Variants in PRSS36 observed in about 807,000 individuals in gnomAD.
PRSS36 encodes polyserase-2.
In PRSS36, 90 loss-of-function variants were observed where a neutral mutation model predicts 94.3. The ratio of observed to expected loss-of-function variants is 0.95; its 90% confidence interval spans 0.80 to 1.14. PRSS36 has a LOEUF of 1.14. Among genes scored for constraint, PRSS36 ranks in the 50% most tolerant of loss-of-function variants. The pLI is 0.00. For missense variants in PRSS36, 1,158 were observed against 1,135.0 expected, an observed-to-expected ratio of 1.02 and a Z score of -0.29; for synonymous variants, 500 against 489.6, an observed-to-expected ratio of 1.02 and a Z score of -0.28.
At position 31,140,739 on chromosome 16, in the gene PRSS36, C is replaced by T; in HGVS notation, c.1920G>A (p.Val640=). The change falls in exon 13 of 15, where the codon GTG becomes GTA. Residue 640 remains valine, a synonymous_variant. Transcript: ENST00000268281. Reference sequence around the variant, plus strand: ...GGCCCAGATACACTTCAATGTAAGGCACTGTTGTAGAGCCTGGCCTGTTGG... The same window carrying T: ...GGCCCAGATACACTTCAATGTAAGGTACTGTTGTAGAGCCTGGCCTGTTGG... ...HCVLRPGSTT[V]PYIEVYLGRA... The T allele has an allele frequency of 6.2e-7, 1 of 1,614,040 alleles. No homozygotes were observed. The highest frequency in any genetic ancestry group is 2.2e-5 in the East Asian group (1 of 44,876).
At chr16:31,146,854 G>A (rs922224237) in intron 5 of PRSS36, among the ~76,000 whole-genome samples, 1 of 152,148 alleles carries the variant, frequency 6.6e-6, no homozygotes, top group Non-Finnish European at 1.5e-5. Flanking sequence ...GGTGGTGGGT[G>A]CCTATAATCC....
Position 31,148,607 on chromosome 16 carries a change from A to G in PRSS36, c.341T>C (p.Leu114Pro), listed in dbSNP as rs1350006585. The G allele has an allele frequency of 6.2e-7, 1 of 1,611,904 alleles. No homozygotes were observed. Among genetic ancestry groups the G allele is most frequent in the Non-Finnish European group, 8.5e-7 (1 of 1,179,430 alleles). The change falls in exon 5 of 15, where the codon CTG (leucine) becomes CCG (proline). Residue 114 changes from leucine (L) to proline (P), a missense_variant. By Grantham distance (98) the Leu-to-Pro change is moderately conservative. Coordinates refer to ENST00000268281, the MANE Select transcript of PRSS36 (RefSeq NM_173502.5). ...CACTGCGCGGGTGTGCGCGCCGTCC[A>G]GGGGCCCGTCCTGGGAGTGCACGCC... ...LLGVHSQDGPLDGAHTRAVAA... is the reference protein window; with the variant it reads ...LLGVHSQDGPPDGAHTRAVAA...
At position 31,148,615 on chromosome 16, in the gene PRSS36, G is replaced by A. The variant is rs746041119; in HGVS notation, c.333C>T (p.Asp111=). Residue 111 remains aspartate, a synonymous_variant, in exon 5 of 15, where the codon GAC becomes GAT. Transcript: ENST00000268281. ...WSVLLGVHSQ[D]GPLDGAHTRA... ...GGGTGTGCGCGCCGTCCAGGGGCCCGTCCTGGGAGTGCACGCCCAGCAGTA... is the reference window on the plus strand; with the variant it reads ...GGGTGTGCGCGCCGTCCAGGGGCCCATCCTGGGAGTGCACGCCCAGCAGTA... 6.2e-7 allele frequency: 1 copy of A among 1,612,160 alleles called. No homozygotes were observed. Among genetic ancestry groups the A allele is most frequent in the East Asian group, 2.2e-5 (1 of 44,864 alleles).
rs2057722695 is a variant in PRSS36, at chr16:31,142,618, G to C, written c.1384C>G (p.Leu462Val). The C allele has an allele frequency of 6.7e-7, 1 of 1,503,398 alleles. No individual in the cohort carries two copies. The highest frequency in any genetic ancestry group is 8.8e-7 in the Non-Finnish European group (1 of 1,130,698). The allele number at this position is 1,503,398 out of a possible 1,614,324, so 93.1% of individuals were successfully genotyped here. The change falls in exon 10 of 15, where the codon CTG becomes GTG. Residue 462 changes from leucine to valine, a missense_variant. By Grantham distance (32) the Leu-to-Val change is conservative. Coordinates refer to ENST00000268281, the MANE Select transcript of PRSS36 (RefSeq NM_173502.5). Reference sequence around the variant, plus strand: ...CAGCCGCCTAACAGCTCCGCCTCCAGCAGCGCGCCTGGGCCAAGCGCGGGT... The same window carrying C: ...CAGCCGCCTAACAGCTCCGCCTCCACCAGCGCGCCTGGGCCAAGCGCGGGT... Reference protein sequence around the residue: ...GEPALGPGALLEAELLGGWWC... With the variant: ...GEPALGPGALVEAELLGGWWC...
At position 31,149,732 on chromosome 16, in the gene PRSS36, C is replaced by T; in HGVS notation, c.38-1G>A. On this transcript the variant is annotated splice_acceptor_variant, in intron 1 of 14. Coordinates refer to ENST00000268281, the MANE Select transcript of PRSS36 (RefSeq NM_173502.5). LOFTEE classifies it high-confidence loss of function. ...AAGGCTCCTGGGATGGGACTGATGA[C>T]TGGAAAGACAGAGGTAGGCAGGAAG... 2.5e-6 allele frequency: 4 copies of T among 1,614,196 alleles called. No individual in the cohort carries two copies. Among genetic ancestry groups the T allele is most frequent in the Non-Finnish European group, 3.4e-6 (4 of 1,180,038 alleles).
intron 1 of PRSS36, 123 bp from the exon 2 acceptor site, chr16:31,149,854 C>T: frequency 6.5e-7 from 1 of 1,532,240 alleles, no homozygotes; most frequent in Non-Finnish European, 9.0e-7. Context: ...CCCTCTCCCT[C>T]CTCTGATACA....
rs1488280202 is a variant in PRSS36 at position 31,140,725 on chromosome 16, A to T, written c.1934T>A (p.Val645Glu). Residue 645 changes from valine (V) to glutamate (E), a missense_variant, in exon 13 of 15, where the codon GTG becomes GAG. Coordinates refer to ENST00000268281, the MANE Select transcript of PRSS36 (RefSeq NM_173502.5). ...GCTGGCCCCTGCCCGGCCCAGATAC[A>T]CTTCAATGTAAGGCACTGTTGTAGA... is the stretch of plus-strand genomic sequence containing the variant. Reference protein sequence around the residue: ...PGSTTVPYIEVYLGRAGASSL... With the variant: ...PGSTTVPYIEEYLGRAGASSL... 1 of 1,613,952 alleles carries T rather than the reference A, an allele frequency of 6.2e-7. No homozygotes were observed. The highest frequency in any genetic ancestry group is 8.5e-7 in the Non-Finnish European group (1 of 1,179,944).
At chr16:31,142,059 G>T in intron 10 of PRSS36, 99 bp from the exon 11 acceptor site, 1 of 1,033,988 alleles carries the variant, frequency 9.7e-7, no homozygotes, top group Non-Finnish European at 1.5e-6. Flanking sequence ...CCCATTTGCG[G>T]AAGTATCAAG....
At position 31,139,006 on chromosome 16, in the gene PRSS36, C is replaced by G; in HGVS notation, c.*132G>C. On this transcript the variant is annotated 3_prime_UTR_variant, in exon 15 of 15. Coordinates refer to ENST00000268281, the MANE Select transcript of PRSS36 (RefSeq NM_173502.5). ...TCAAAATAGCCCGGGCACTGAGGCCCAATTAGCCAGAGCCGCTGCAATCTC... is the reference window on the plus strand; with the variant it reads ...TCAAAATAGCCCGGGCACTGAGGCCGAATTAGCCAGAGCCGCTGCAATCTC... The G allele has an allele frequency of 9.2e-7, 1 of 1,085,714 alleles. No individual in the cohort carries two copies. Among genetic ancestry groups the G allele is most frequent in the Non-Finnish European group, 1.3e-6 (1 of 759,708 alleles). The allele number at this position is 1,085,714 out of a possible 1,614,324, so 67.3% of individuals were successfully genotyped here.
Position 31,145,941 on chromosome 16 carries a change from G to A in PRSS36, c.568C>T (p.Pro190Ser). ...DVQEADPLPL[P>S]WVLQEVELRL... Reference sequence around the variant, plus strand: ...AGCTCCACTTCCTGTAGCACCCAGGGGAGAGGCAGAGGATCTGGAGGCAGA... The same window carrying A: ...AGCTCCACTTCCTGTAGCACCCAGGAGAGAGGCAGAGGATCTGGAGGCAGA... The change falls in exon 6 of 15, where the codon CCC (proline) becomes TCC (serine). Residue 190 changes from proline to serine, a missense_variant. By Grantham distance (74) the Pro-to-Ser change is moderately conservative (BLOSUM62 -1). Transcript: ENST00000268281. 6.2e-7 allele frequency: 1 copy of A among 1,612,632 alleles called. No homozygotes were observed. The highest frequency in any genetic ancestry group is 1.1e-5 in the South Asian group (1 of 90,958).
At position 31,149,710 on chromosome 16, in the gene PRSS36, G is replaced by T. The variant is rs753032930; in HGVS notation, c.59C>A (p.Ala20Asp). 1.5e-5 allele frequency: 24 copies of T among 1,614,056 alleles called. No homozygotes were observed. The highest frequency in any genetic ancestry group is 2.0e-5 in the Non-Finnish European group (24 of 1,180,040). The change falls in exon 2 of 15, where the codon GCC becomes GAC. Residue 20 changes from alanine to aspartate, a missense_variant. Ala to Asp is a moderately radical substitution (Grantham distance 126). Transcript: ENST00000268281. ...GGCTACCTTACCTGAGTCCTGGAAG[G>T]CTCCTGGGATGGGACTGATGACTGG... ...VMLVISPIPGAFQDSALSPTQ... is the reference protein window; with the variant it reads ...VMLVISPIPGDFQDSALSPTQ...
chr16:31,149,831 GGCA>G, intron 1 of PRSS36, 100 bp from the exon 2 acceptor site: 1 of 1,572,866 alleles, frequency 6.4e-7, no homozygotes, highest in Non-Finnish European at 8.7e-7. Flanking sequence ...GTCTCCCCAG[GGCA>G]CCCAGGCCTC....
chr16:31,143,602 G>C lies in PRSS36; in HGVS notation c.956C>G (p.Thr319Ser). The part of the protein sequence containing the change: ...DPQEPREENC[T>S]IALPECGKAP... Reference sequence around the variant, plus strand: ...CGCCCACTCACCAGGCAGGGCAATGGTGCAGTTCTCCTCCCTGGGCTCCTG... The same window carrying C: ...CGCCCACTCACCAGGCAGGGCAATGCTGCAGTTCTCCTCCCTGGGCTCCTG... The change falls in exon 7 of 15, where the codon ACC (threonine) becomes AGC (serine). Residue 319 changes from threonine to serine, a missense_variant. Physicochemically the swap from Thr to Ser is moderately conservative, Grantham distance 58. Transcript: ENST00000268281. 1 of 1,614,208 alleles carries C rather than the reference G, an allele frequency of 6.2e-7. No homozygotes were observed. The highest frequency in any genetic ancestry group is 1.1e-5 in the South Asian group (1 of 91,090).
intron 4 of PRSS36, 21 bp downstream of exon 4, chr16:31,149,052 A>G (rs762873909): frequency 7.0e-6 from 11 of 1,567,440 alleles, no homozygotes; most frequent in Non-Finnish European, 8.6e-6. Flanking sequence ...GAGAGGGGCC[A>G]GGACCAGGGC....
intron 5 of PRSS36, among the ~76,000 whole-genome samples, chr16:31,146,261 G>C (rs1233742450): frequency 6.6e-6 from 1 of 152,196 alleles, no homozygotes; most frequent in Non-Finnish European, 1.5e-5. Flanking sequence ...GTGGAGTTGT[G>C]TTGGTCCAGA....
chr16:31,144,381 G>T (rs750903331), intron 6 of PRSS36, among the ~76,000 whole-genome samples: 4 of 152,148 alleles, frequency 2.6e-5, no homozygotes, highest in Non-Finnish European at 4.4e-5. Flanking sequence ...TGCCATGTTG[G>T]CCAGGCTGGT....
At position 31,143,491 on chromosome 16, in the gene PRSS36, G is replaced by A. The variant is rs2057748945; in HGVS notation, c.971-20C>T. 13 of 1,604,892 alleles carry A rather than the reference G, an allele frequency of 8.1e-6. No homozygotes were observed. Among genetic ancestry groups the A allele is most frequent in the South Asian group, 2.2e-5 (2 of 90,160 alleles). On this transcript the variant is annotated intron_variant, in intron 7 of 14. Transcript: ENST00000268281. ...CGCACTCTGAGGGGTGAGAGGCCTGGGTCAGTGGGCCTCCTGCAACCCAAT... is the reference window on the plus strand; with the variant it reads ...CGCACTCTGAGGGGTGAGAGGCCTGAGTCAGTGGGCCTCCTGCAACCCAAT...
At position 31,149,207 on chromosome 16, in the gene PRSS36, GC is replaced by G; in HGVS notation, c.137del (p.Arg46ProfsTer17). 2 of 1,564,608 alleles carry G rather than the reference GC, an allele frequency of 1.3e-6. No homozygotes were observed. Among genetic ancestry groups the G allele is most frequent in the Non-Finnish European group, 8.7e-7 (1 of 1,155,416 alleles). On this transcript the variant is annotated frameshift_variant, in exon 4 of 15. Coordinates refer to ENST00000268281, the MANE Select transcript of PRSS36 (RefSeq NM_173502.5). LOFTEE classifies it high-confidence loss of function. Reference protein sequence around the residue: ...LDCGRPEPSARIVGGSNAQPG... With the variant: ...LDCGRPEPSAXIVGGSNAQPG... Reference sequence around the variant, plus strand: ...GCTGCGCGTTTGAGCCCCCCACGATGCGGGCCGAGGGCTCAGGGCGCCCGCA... The same window carrying G: ...GCTGCGCGTTTGAGCCCCCCACGATGGGGCCGAGGGCTCAGGGCGCCCGCA...
chr16:31,149,940 C>T, intron 1 of PRSS36, 59 bp downstream of exon 1: 1 of 1,594,654 alleles, frequency 6.3e-7, no homozygotes, highest in South Asian at 1.1e-5. Flanking sequence ...TCCTGCTCTC[C>T]AGCCCCCCAG....
Sources: gnomAD v4.1 joint callset for allele counts (sites outside exome capture counted in the v4.1 genomes callset) on GRCh38, gnomAD v4.1.1 for gene constraint, MANE v1.5 for transcripts, NCBI Gene and HGNC (gene_info 2026-07-23, HGNC 2026-07-21) for gene names.